DENND2B: variants seen among roughly 807,000 people sequenced by gnomAD.
The protein encoded by DENND2B is DENN domain-containing protein 2B.
Under a neutral mutation model 116.0 loss-of-function variants are expected in DENND2B, and 32 were observed. The observed-to-expected ratio is 0.28, with a 90% CI of 0.21 to 0.37. DENND2B has a LOEUF of 0.37. Among genes scored for constraint, DENND2B ranks in the 10% least tolerant of loss-of-function variants. DENND2B has a pLI of 1.00. For missense variants in DENND2B, 1,276 were observed against 1,477.7 expected, an observed-to-expected ratio of 0.86 and a Z score of 2.24; for synonymous variants, 588 against 583.9, an observed-to-expected ratio of 1.01 and a Z score of -0.10.
At chr11:8,865,404 A>C (rs1290620417) in intron 2 of DENND2B, among the ~76,000 whole-genome samples, 1 of 152,182 alleles carries the variant, frequency 6.6e-6, no homozygotes, top group Non-Finnish European at 1.5e-5. Flanking sequence ...TTGCCAACAT[A>C]TCTGATATGA....
Position 8,696,651 on chromosome 11 carries a change from T to C in DENND2B, c.3068A>G (p.Asn1023Ser). ...SDSDDECNTL[N>S]GLVSEVFIRF... ...GATAAACACCTCCGACACCAGCCCATTGAGGGTATTACATTCTGGAAGGGA... is the reference window on the plus strand; with the variant it reads ...GATAAACACCTCCGACACCAGCCCACTGAGGGTATTACATTCTGGAAGGGA... The change falls in exon 18 of 20, where the codon AAT (asparagine) becomes AGT (serine). Residue 1023 changes from asparagine to serine, a missense_variant. Transcript: ENST00000313726. The C allele has an allele frequency of 6.2e-7, 1 of 1,614,148 alleles. No individual in the cohort carries two copies. The highest frequency in any genetic ancestry group is 8.5e-7 in the Non-Finnish European group (1 of 1,180,032).
intron 3 of DENND2B, among the ~76,000 whole-genome samples, chr11:8,845,760 T>C (rs990636691): frequency 6.6e-6 from 1 of 152,190 alleles, no homozygotes; most frequent in Non-Finnish European, 1.5e-5. Flanking sequence ...AAATATACCC[T>C]GTCTGAAGAC....
intron 2 of DENND2B, among the ~76,000 whole-genome samples, chr11:8,868,740 CT>C (rs1189847992): frequency 4.6e-5 from 7 of 152,226 alleles, no homozygotes; most frequent in Admixed American, 2.6e-4. Context: ...TCCAAATGGT[CT>C]GCTCTCCATT....
At chr11:8,705,319 C>T (rs193295046) in intron 13 of DENND2B, among the ~76,000 whole-genome samples, 2 of 152,270 alleles carry the variant, frequency 1.3e-5, no homozygotes, top group South Asian at 2.1e-4. Flanking sequence ...CACTTCCTCA[C>T]ACCCATCACT....
intron 1 of DENND2B, among the ~76,000 whole-genome samples, chr11:8,890,169 G>T (rs1344267791): frequency 1.3e-5 from 2 of 152,208 alleles, no homozygotes; most frequent in Non-Finnish European, 2.9e-5. Context: ...CAACAGACCT[G>T]CAGCTGAGGG....
At chr11:8,760,968 T>C (rs1320247565) in intron 1 of DENND2B, among the ~76,000 whole-genome samples, 1 of 152,188 alleles carries the variant, frequency 6.6e-6, no homozygotes, top group Non-Finnish European at 1.5e-5. Context: ...GTAAGAACTT[T>C]TTCCATCTCT....
intron 1 of DENND2B, among the ~76,000 whole-genome samples, chr11:8,770,875 C>T (rs1043848050): frequency 2.6e-5 from 4 of 152,120 alleles, no homozygotes; most frequent in East Asian, 1.9e-4. Context: ...ACTCCACGAA[C>T]GACTCCATAC....
intron 3 of DENND2B, among the ~76,000 whole-genome samples, chr11:8,843,362 G>A (rs1262762335): frequency 1.3e-5 from 2 of 152,136 alleles, no homozygotes; most frequent in Admixed American, 1.3e-4. Flanking sequence ...TGTGGCCAAT[G>A]TGGAACCTTA....
At chr11:8,871,945 T>G (rs2063788172), upstream of DENND2B, among the ~76,000 whole-genome samples, 1 of 152,246 alleles carries the variant, frequency 6.6e-6, no homozygotes, top group Admixed American at 6.5e-5. Flanking sequence ...ATCCATTTTT[T>G]ACTCACGTAA....
intron 4 of DENND2B, among the ~76,000 whole-genome samples, chr11:8,829,680 C>T (rs1247706073): frequency 1.3e-5 from 2 of 152,170 alleles, no homozygotes; most frequent in African/African-American, 4.8e-5. Flanking sequence ...CCCACACTCT[C>T]TTCCATGCTG....
intron 4 of DENND2B, among the ~76,000 whole-genome samples, chr11:8,720,961 A>G (rs1241625937): frequency 6.6e-6 from 1 of 152,172 alleles, no homozygotes; most frequent in Non-Finnish European, 1.5e-5. Flanking sequence ...AGCCTGGCAG[A>G]CTGCAAATTT....
At chr11:8,791,928 G>C (rs1405645262) in intron 1 of DENND2B, among the ~76,000 whole-genome samples, 1 of 152,114 alleles carries the variant, frequency 6.6e-6, no homozygotes, top group Non-Finnish European at 1.5e-5. Context: ...ATTCCTGCTG[G>C]GCATGGTGGC....
At chr11:8,890,203 A>G (rs1360173690) in intron 1 of DENND2B, among the ~76,000 whole-genome samples, 1 of 152,228 alleles carries the variant, frequency 6.6e-6, no homozygotes, top group African/African-American at 2.4e-5. Context: ...AAGGAAAACT[A>G]ACAAACAGAA....
At chr11:8,738,501 C>T (rs1357320173) in intron 2 of DENND2B, among the ~76,000 whole-genome samples, 1 of 152,166 alleles carries the variant, frequency 6.6e-6, no homozygotes, top group Non-Finnish European at 1.5e-5. Context: ...CTGCTTCAAG[C>T]ATCTGGATCC....
At chr11:8,700,947 G>C (rs1210800580) in intron 14 of DENND2B, among the ~76,000 whole-genome samples, 1 of 152,078 alleles carries the variant, frequency 6.6e-6, no homozygotes, top group South Asian at 2.1e-4. Context: ...TCAGCCTCCT[G>C]AGTAGCTGGG....
At chr11:8,776,158 G>A (rs151193662) in intron 1 of DENND2B, 100,732 of 320,302 alleles carry the variant, frequency 0.31, 15,243 homozygotes, top group East Asian at 0.37. Context: ...ACGCGCGCGC[G>A]CGCACACACA....
intron 2 of DENND2B, among the ~76,000 whole-genome samples, chr11:8,858,522 C>G (rs1178301108): frequency 6.6e-6 from 1 of 152,018 alleles, no homozygotes; most frequent in Non-Finnish European, 1.5e-5. Context: ...TAGGAGCAGG[C>G]AAAGGCCATG....
At chr11:8,881,357 TCTTTCTA>T in intron 1 of DENND2B, among the ~76,000 whole-genome samples, 1 of 152,330 alleles carries the variant, frequency 6.6e-6, no homozygotes, top group South Asian at 2.1e-4. Context: ...CTCAAATTTC[TCTTTCTA>T]CAACTCCTGT....
At chr11:8,766,499 C>T (rs902664767) in intron 1 of DENND2B, 21 of 748,920 alleles carry the variant, frequency 2.8e-5, no homozygotes, top group Non-Finnish European at 3.1e-5. Flanking sequence ...CACGCTCAGA[C>T]TTGGGCAATG....
Sources: gnomAD v4.1 joint callset for allele counts (sites outside exome capture counted in the v4.1 genomes callset) on GRCh38, gnomAD v4.1.1 for gene constraint, MANE v1.5 for transcripts, NCBI Gene and HGNC (gene_info 2026-07-23, HGNC 2026-07-21) for gene names.